Variants in POLR3H observed in about 807,000 individuals in gnomAD.
The protein encoded by POLR3H is RNA polymerase III subunit H.
Under a neutral mutation model 25.5 loss-of-function variants are expected in POLR3H, and 17 were observed. That is an observed-to-expected ratio of 0.67 (90% CI 0.46 to 1.00). The LOEUF (loss-of-function observed/expected upper bound fraction) is 1.00, where lower values mean the gene tolerates loss of function less well. Ranked by LOEUF, POLR3H falls within the 50% of genes least tolerant of loss-of-function variation. The pLI, the probability that POLR3H is intolerant of heterozygous loss-of-function variation, is 0.00. For synonymous variants in POLR3H, 129 were observed against 103.0 expected (o/e 1.25, Z -1.53); for missense variants, 274 against 265.0 (o/e 1.03, Z -0.24).
In POLR3H at chr22:41,528,673, G is replaced by T; in HGVS notation, c.*610C>A. On this transcript the variant is annotated 3_prime_UTR_variant, in exon 6 of 6. Transcript: ENST00000355209. ...GTTCAGCTCCACGTGTGCCATCAGT[G>T]GATCCGATCCGTCCAGCCATGGCTT... 6.3e-7 allele frequency: 1 copy of T among 1,591,164 alleles called. No individual in the cohort carries two copies. The highest frequency in any genetic ancestry group is 1.1e-5 in the South Asian group (1 of 88,480).
chr22:41,527,621 A>C lies in POLR3H; in HGVS notation c.*1662T>G. 1 of 841,264 alleles carries C rather than the reference A, an allele frequency of 1.2e-6. No individual in the cohort carries two copies. Among genetic ancestry groups the C allele is most frequent in the South Asian group, 1.8e-5 (1 of 55,540 alleles). The allele number at this position is 841,264 out of a possible 1,614,324, so 52.1% of individuals were successfully genotyped here. A position where few individuals can be genotyped will look rare whatever the true frequency, so the allele number is the denominator to read the frequency against. ...CCGGCTTCCCGCAGGCCCTGCTTCC[A>C]GGCTTGTAGATCTGAGCCGCTGAGA... On this transcript the variant is annotated 3_prime_UTR_variant, in exon 6 of 6. Coordinates refer to ENST00000355209, the MANE Select transcript of POLR3H (RefSeq NM_001018050.4).
At position 41,527,813 on chromosome 22, in the gene POLR3H, G is replaced by T; in HGVS notation, c.*1470C>A. ...ATTGTCCCAGGCAGCAGGATTAGGG[G>T]CATCTCCCAGAGCCCCAGATGGGTT... On this transcript the variant is annotated 3_prime_UTR_variant, in exon 6 of 6. Transcript: ENST00000355209. 3 of 1,596,206 alleles carry T rather than the reference G, an allele frequency of 1.9e-6. No homozygotes were observed. In the Admixed American group the frequency reaches 5.1e-5, roughly 27 times the overall value.
Position 41,526,619 on chromosome 22 carries a change from G to C in POLR3H, c.*2664C>G, listed in dbSNP as rs2066602678. 1 of 667,804 alleles carries C rather than the reference G, an allele frequency of 1.5e-6. No individual in the cohort carries two copies. The highest frequency in any genetic ancestry group is 2.5e-5 in the South Asian group (1 of 39,398). The allele number at this position is 667,804 out of a possible 1,614,324, so 41.4% of individuals were successfully genotyped here. On this transcript the variant is annotated 3_prime_UTR_variant, in exon 6 of 6. Transcript: ENST00000355209. ...AGGCCTGCAGCCCCTCCCTGTGGCT[G>C]AGAAGGCATGAGGCCCAGGTCCGGT...
intron 2 of POLR3H, chr22:41,533,756 G>C: frequency 7.8e-7 from 1 of 1,283,448 alleles, no homozygotes; most frequent in Admixed American, 2.3e-5. Flanking sequence ...TGACCTCCCA[G>C]AGAGCAGATG....
intron 5 of POLR3H, chr22:41,529,680 G>A (rs1164247878): frequency 3.3e-6 from 2 of 613,378 alleles, no homozygotes; most frequent in Non-Finnish European, 6.2e-6. Flanking sequence ...GAGCAGCCTT[G>A]AAAGCCACTC....
Position 41,540,771 on chromosome 22 carries a change from T to C in POLR3H, c.136A>G (p.Ile46Val), listed in dbSNP as rs754776458. 6.2e-7 allele frequency: 1 copy of C among 1,614,082 alleles called. No individual in the cohort carries two copies. Among genetic ancestry groups the C allele is most frequent in the Admixed American group, 1.7e-5 (1 of 60,018 alleles). Residue 46 changes from isoleucine (I) to valine (V), a missense_variant, in exon 2 of 6, where the codon ATT becomes GTT. Ile to Val is a conservative substitution (Grantham distance 29, BLOSUM62 3). Transcript: ENST00000355209. ...NKVVYNVGLC[I>V]CLFDITKLED... is the part of the protein sequence containing the mutation. ...AGTTTGGTGATATCAAACAGACAAA[T>C]GCAGAGTCCCACGTTGTACACGACC...
chr22:41,543,563 G>A lies in POLR3H; in HGVS notation c.111+428C>T, dbSNP rs182468172. Among the ~76,000 whole-genome samples the A allele has an allele frequency of 1.5e-3, 231 of 152,296 alleles. 2 individuals are homozygous for A. The highest frequency in any genetic ancestry group is 0.015 in the East Asian group (78 of 5,182). On this transcript the variant is annotated intron_variant, in intron 1 of 5. Transcript: ENST00000355209. ...TTGAACCCGGGAGGCGGAGGTTGCA[G>A]TGAGCCGAGATCGCGCCACTGCACT...
chr22:41,526,739 A>G lies in POLR3H; in HGVS notation c.*2544T>C. 2.6e-6 allele frequency: 1 copy of G among 389,444 alleles called. No individual in the cohort carries two copies. The highest frequency in any genetic ancestry group is 4.7e-6 in the Non-Finnish European group (1 of 214,284). The allele number at this position is 389,444 out of a possible 1,614,324, so 24.1% of individuals were successfully genotyped here. On this transcript the variant is annotated 3_prime_UTR_variant, in exon 6 of 6. Transcript: ENST00000355209. ...GACAAGGAAGGGGGCCGACTCAGGA[A>G]GTCAGAGGCCAAAAGCTCAGAGAGG...
rs571267855 is a variant in POLR3H, at chr22:41,543,927, G to C, written c.111+64C>G. The C allele has an allele frequency of 1.6e-5, 19 of 1,201,062 alleles. No homozygotes were observed. The East Asian group carries it at 4.3e-4, about 27-fold the overall frequency. 74.4% of individuals were successfully genotyped at this position (1,201,062 alleles called of 1,614,324 possible). A position where few individuals can be genotyped will look rare whatever the true frequency, so the allele number is the denominator to read the frequency against. ...GCTTGGCATGACCGAGGCCGGGCCT[G>C]CGGCCAGTGGGCGGCGCTCGCTCTC... On this transcript the variant is annotated intron_variant, in intron 1 of 5. Transcript: ENST00000355209.
At position 41,528,391 on chromosome 22, in the gene POLR3H, A is replaced by G. The variant is rs2066648420; in HGVS notation, c.*892T>C. 1 of 1,545,482 alleles carries G rather than the reference A, an allele frequency of 6.5e-7. No individual in the cohort carries two copies. Among genetic ancestry groups the G allele is most frequent in the African/African-American group, 1.4e-5 (1 of 73,230 alleles). ...TTGCCTGCTGACCTCTTAGGTCCCCAGGCAGTGCCCTGTCTCCCTGACCCC... is the reference window on the plus strand; with the variant it reads ...TTGCCTGCTGACCTCTTAGGTCCCCGGGCAGTGCCCTGTCTCCCTGACCCC... On this transcript the variant is annotated 3_prime_UTR_variant, in exon 6 of 6. Coordinates refer to ENST00000355209, the MANE Select transcript of POLR3H (RefSeq NM_001018050.4).
intron 5 of POLR3H, among the ~76,000 whole-genome samples, chr22:41,530,043 C>G (rs1395114780): frequency 6.6e-6 from 1 of 152,122 alleles, no homozygotes; most frequent in East Asian, 1.9e-4. Flanking sequence ...GCGTGAGCCA[C>G]TGTGCCCCAG....
chr22:41,537,236 G>T (rs1038764528), intron 2 of POLR3H, among the ~76,000 whole-genome samples: 1 of 152,180 alleles, frequency 6.6e-6, no homozygotes. Flanking sequence ...AGACTTGCTC[G>T]TTGACTCCTC....
Position 41,527,658 on chromosome 22 carries a change from T to C in POLR3H, c.*1625A>G. The C allele has an allele frequency of 1.3e-6, 1 of 781,968 alleles. No homozygotes were observed. The highest frequency in any genetic ancestry group is 2.0e-6 in the Non-Finnish European group (1 of 502,666). The allele number at this position is 781,968 out of a possible 1,614,324, so 48.4% of individuals were successfully genotyped here. A position where few individuals can be genotyped will look rare whatever the true frequency, so the allele number is the denominator to read the frequency against. ...CTGAGCCGCTGAGATCTAGGACATG[T>C]GCCAGGGGGTTCTTTCTGATCATGA... On this transcript the variant is annotated 3_prime_UTR_variant, in exon 6 of 6. Transcript: ENST00000355209.
In POLR3H at chr22:41,526,839, A is replaced by G; in HGVS notation, c.*2444T>C. The G allele has an allele frequency of 3.4e-6, 1 of 292,356 alleles. No individual in the cohort carries two copies. The highest frequency in any genetic ancestry group is 1.1e-3 in the Middle Eastern group (1 of 932). The allele number at this position is 292,356 out of a possible 1,614,324, so 18.1% of individuals were successfully genotyped here. A position where few individuals can be genotyped will look rare whatever the true frequency, so the allele number is the denominator to read the frequency against. ...TGGACTTTTTCTGCTTTGAGAAACA[A>G]ACAGAACCAGGGCTGAACCCAAGTC... On this transcript the variant is annotated 3_prime_UTR_variant, in exon 6 of 6. Transcript: ENST00000355209.
In POLR3H at chr22:41,528,312, G is replaced by A; in HGVS notation, c.*971C>T. 9.7e-7 allele frequency: 1 copy of A among 1,028,746 alleles called. No individual in the cohort carries two copies. Among genetic ancestry groups the A allele is most frequent in the South Asian group, 1.7e-5 (1 of 60,126 alleles). The allele number at this position is 1,028,746 out of a possible 1,614,324, so 63.7% of individuals were successfully genotyped here. On this transcript the variant is annotated 3_prime_UTR_variant, in exon 6 of 6. Coordinates refer to ENST00000355209, the MANE Select transcript of POLR3H (RefSeq NM_001018050.4). ...TCTGGGCCCCAGGAATCCCCTGTAG[G>A]TGCCACCTGGGTCTGACCTGGGCCA...
intron 5 of POLR3H, chr22:41,529,555 T>C: frequency 1.5e-6 from 1 of 676,874 alleles, no homozygotes; most frequent in East Asian, 2.7e-5. Flanking sequence ...CAGGCCCTGA[T>C]AGGGTCAGGG....
At chr22:41,542,941 T>G (rs1346891981) in intron 1 of POLR3H, among the ~76,000 whole-genome samples, 1 of 152,070 alleles carries the variant, frequency 6.6e-6, no homozygotes, top group Non-Finnish European at 1.5e-5. Context: ...AGGTGGAGGT[T>G]GCAGTGAGCC....
At chr22:41,532,461 AC>A in intron 3 of POLR3H, 197 bp downstream of exon 3, 1 of 960,854 alleles carries the variant, frequency 1.0e-6, no homozygotes, top group Admixed American at 2.8e-5. Flanking sequence ...GTCCTGAGTG[AC>A]GGCCTCACAG....
chr22:41,528,753 G>T lies in POLR3H; in HGVS notation c.*530C>A. 8.0e-7 allele frequency: 1 copy of T among 1,255,286 alleles called. No individual in the cohort carries two copies. Among genetic ancestry groups the T allele is most frequent in the Non-Finnish European group, 1.1e-6 (1 of 933,118 alleles). 77.8% of individuals were successfully genotyped at this position (1,255,286 alleles called of 1,614,324 possible). A position where few individuals can be genotyped will look rare whatever the true frequency, so the allele number is the denominator to read the frequency against. On this transcript the variant is annotated 3_prime_UTR_variant, in exon 6 of 6. Transcript: ENST00000355209. ...CTTCCTGCTCCCCGCTTAGCCCACG[G>T]AGTGACTGTGGTTGTGGTGGGGGGG...
Sources: gnomAD v4.1 joint callset for allele counts (sites outside exome capture counted in the v4.1 genomes callset) on GRCh38, gnomAD v4.1.1 for gene constraint, MANE v1.5 for transcripts, NCBI Gene and HGNC (gene_info 2026-07-23, HGNC 2026-07-21) for gene names.